HACL2: variants seen among roughly 807,000 people sequenced by gnomAD.
HACL2 encodes 2-hydroxyacyl-CoA lyase 1 like.
chr19:15,115,272 C>G, the HACL2 span: 8 of 1,614,028 alleles, frequency 5.0e-6, no homozygotes, highest in African/African-American at 1.1e-4. Context: ...ATGGAGCCAT[C>G]GCGGAAGTCC....
At chr19:15,122,949 G>C in the HACL2 span, 4 of 1,604,508 alleles carry the variant, frequency 2.5e-6, no homozygotes, top group Non-Finnish European at 3.4e-6. This position sits in a 1 kb window ranked among gnomAD's most constrained non-coding sequence, Gnocchi z 4.0. Context: ...ACAATGTCCC[G>C]CACCCTCCGC....
chr19:15,116,283 G>A, the HACL2 span: 2 of 1,613,956 alleles, frequency 1.2e-6, no homozygotes, highest in African/African-American at 1.3e-5. Flanking sequence ...CACCTGCACT[G>A]GGTTCAGGTG....
chr19:15,121,418 A>G, the HACL2 span, among the ~76,000 whole-genome samples: 1 of 152,014 alleles, frequency 6.6e-6, no homozygotes, highest in Non-Finnish European at 1.5e-5. Flanking sequence ...CGCTAAATGT[A>G]TGGAAAGGAA....
the HACL2 span, chr19:15,117,800 G>C: frequency 6.4e-7 from 1 of 1,558,794 alleles, no homozygotes; most frequent in East Asian, 2.3e-5. Flanking sequence ...ACTGTACCAG[G>C]CTCAAGCCAG....
the HACL2 span, chr19:15,115,838 C>T: frequency 2.5e-6 from 4 of 1,613,444 alleles, no homozygotes; most frequent in Admixed American, 5.0e-5. Context: ...TCCCTCAGGC[C>T]AGCCCAGTCA....
the HACL2 span, among the ~76,000 whole-genome samples, chr19:15,121,213 C>G: frequency 7.2e-5 from 11 of 152,074 alleles, no homozygotes; most frequent in African/African-American, 1.7e-4. Flanking sequence ...GAGCCAAGAT[C>G]GCACTACTGC....
chr19:15,116,430 G>A, the HACL2 span: 71 of 1,613,782 alleles, frequency 4.4e-5, no homozygotes, highest in Non-Finnish European at 5.5e-5. Context: ...TCCTTCTGCC[G>A]GTCGGCTTCC....
At chr19:15,115,757 C>T in the HACL2 span, 1 of 1,564,758 alleles carries the variant, frequency 6.4e-7, no homozygotes, top group East Asian at 2.2e-5. Context: ...AGGGCCTCTG[C>T]CAGAGAGGAG....
chr19:15,122,883 T>A, the HACL2 span: 1 of 1,611,530 alleles, frequency 6.2e-7, no homozygotes, highest in East Asian at 2.2e-5. This position sits in a 1 kb window ranked among gnomAD's most constrained non-coding sequence, Gnocchi z 4.0. Context: ...ATCACCATCC[T>A]CCACCTACCT....
chr19:15,115,066 A>C, the HACL2 span: 327 of 682,388 alleles, frequency 4.8e-4, 2 homozygotes, highest in Non-Finnish European at 7.5e-4. Flanking sequence ...GGGTCCGTGA[A>C]GAGGAGGGTC....
At chr19:15,116,960 A>C in the HACL2 span, 3 of 179,462 alleles carry the variant, frequency 1.7e-5, no homozygotes, top group Non-Finnish European at 2.3e-5. Flanking sequence ...AAATGATCAA[A>C]TGGAGGCTCT....
the HACL2 span, chr19:15,124,755 T>C: frequency 1.1e-6 from 1 of 935,950 alleles, no homozygotes; most frequent in Non-Finnish European, 1.6e-6. Context: ...CAGGCCTCCA[T>C]ACACAGCGTG....
At chr19:15,121,918 G>T in the HACL2 span, among the ~76,000 whole-genome samples, 31 of 137,940 alleles carry the variant, frequency 2.2e-4, no homozygotes, top group East Asian at 1.8e-3. Context: ...TTTTTTTTGA[G>T]ACGGAGTCTT....
chr19:15,115,658 G>A, the HACL2 span: 2 of 1,613,656 alleles, frequency 1.2e-6, no homozygotes, highest in South Asian at 2.2e-5. Context: ...CCCTACCAAG[G>A]CCATCACTGG....
chr19:15,125,433 CA>C, the HACL2 span: 1 of 226,214 alleles, frequency 4.4e-6, no homozygotes, highest in East Asian at 1.2e-4. Context: ...AACCGGACCC[CA>C]AATCTCAGCC....
At chr19:15,115,137 T>C in the HACL2 span, 2 of 1,201,748 alleles carry the variant, frequency 1.7e-6, no homozygotes, top group Non-Finnish European at 1.2e-6. Flanking sequence ...TCAGGGAGGT[T>C]GTGGAGTCAC....
the HACL2 span, chr19:15,116,647 G>A: frequency 1.4e-6 from 1 of 708,678 alleles, no homozygotes; most frequent in Non-Finnish European, 2.3e-6. Flanking sequence ...GCAGGCCAGG[G>A]GTGCTCCTAG....
the HACL2 span, chr19:15,115,714 T>C: frequency 1.3e-6 from 2 of 1,594,050 alleles, no homozygotes; most frequent in Non-Finnish European, 1.7e-6. Context: ...TTCAGCCCCA[T>C]GGCTTGGCCA....
chr19:15,125,029 C>T, the HACL2 span: 4 of 1,569,706 alleles, frequency 2.5e-6, no homozygotes, highest in Non-Finnish European at 3.5e-6. Flanking sequence ...AATAAGCTCC[C>T]AGCGGGGGCG....
Sources: gnomAD v4.1 joint callset for allele counts (sites outside exome capture counted in the v4.1 genomes callset) on GRCh38, gnomAD v4.1.1 for gene constraint, Gnocchi (gnomAD v3.1) non-coding constraint, MANE v1.5 for transcripts, NCBI Gene and HGNC (gene_info 2026-07-23, HGNC 2026-07-21) for gene names.